Variants in AGBL1 observed in about 807,000 individuals in gnomAD.
AGBL1 encodes cytosolic carboxypeptidase 4.
In AGBL1, 130 loss-of-function variants were observed where a neutral mutation model predicts 118.9. That is an observed-to-expected ratio of 1.09 (90% CI 0.95 to 1.26). The LOEUF (loss-of-function observed/expected upper bound fraction) is 1.26, where lower values mean the gene tolerates loss of function less well. Ranked by LOEUF, AGBL1 falls within the 50% of genes most tolerant of loss-of-function variation. The probability of loss-of-function intolerance (pLI) is 0.00; values close to 1 mark genes in which losing one functional copy is unlikely to be tolerated. For missense variants in AGBL1, 1,584 were observed against 1,298.1 expected, an observed-to-expected ratio of 1.22 and a Z score of -3.38; for synonymous variants, 555 against 478.9, an observed-to-expected ratio of 1.16 and a Z score of -2.08.
At chr15:86,425,423 A>G (rs923984558) in intron 18 of AGBL1, among the ~76,000 whole-genome samples, 9 of 152,164 alleles carry the variant, frequency 5.9e-5, no homozygotes, top group African/African-American at 2.2e-4. Context: ...TAGCATTAGG[A>G]GAAATACCTA....
chr15:86,750,646 T>C (rs1273509431), intron 22 of AGBL1, among the ~76,000 whole-genome samples: 2 of 152,068 alleles, frequency 1.3e-5, no homozygotes, highest in African/African-American at 2.4e-5. Context: ...TTTTATTTTT[T>C]AATTTTTTTA....
At chr15:86,956,927 A>T (rs2859553) in intron 23 of AGBL1, among the ~76,000 whole-genome samples, 89,363 of 152,068 alleles carry the variant, frequency 0.59, 29,440 homozygotes, top group Non-Finnish European at 0.74. Context: ...TATGCACATA[A>T]GTGTGTATAC....
chr15:86,497,733 C>T (rs968733894), intron 18 of AGBL1, among the ~76,000 whole-genome samples: 11 of 151,886 alleles, frequency 7.2e-5, no homozygotes, highest in African/African-American at 2.7e-4. Flanking sequence ...AACAATCCTT[C>T]TGTGTCTGGA....
At chr15:86,324,318 C>T (rs2080150779) in intron 17 of AGBL1, among the ~76,000 whole-genome samples, 1 of 152,148 alleles carries the variant, frequency 6.6e-6, no homozygotes, top group African/African-American at 2.4e-5. Flanking sequence ...TGGAGGAAGT[C>T]AGATAAGACT....
intron 22 of AGBL1, among the ~76,000 whole-genome samples, chr15:86,732,224 AAAT>A (rs1373164835): frequency 2.6e-5 from 4 of 152,230 alleles, no homozygotes; most frequent in East Asian, 3.8e-4. Context: ...TGGTCTGAAA[AAAT>A]AATAATTTCA....
At chr15:86,239,145 C>T (rs1225361026) in intron 6 of AGBL1, among the ~76,000 whole-genome samples, 1 of 152,164 alleles carries the variant, frequency 6.6e-6, no homozygotes, top group Non-Finnish European at 1.5e-5. Context: ...AAGATAGATT[C>T]ATCTAGATTT....
At chr15:86,145,693 A>G (rs2077024411) in intron 3 of AGBL1, among the ~76,000 whole-genome samples, 1 of 152,146 alleles carries the variant, frequency 6.6e-6, no homozygotes, top group African/African-American at 2.4e-5. Flanking sequence ...AAAAATCAAT[A>G]CAATTCGTTT....
chr15:86,268,301 C>T (rs2079104874), intron 13 of AGBL1, among the ~76,000 whole-genome samples: 1 of 152,028 alleles, frequency 6.6e-6, no homozygotes, highest in South Asian at 2.1e-4. Flanking sequence ...ACGGGAAAGA[C>T]AGTCATGTCA....
At chr15:86,428,731 T>A (rs554173220) in intron 18 of AGBL1, among the ~76,000 whole-genome samples, 2 of 152,328 alleles carry the variant, frequency 1.3e-5, no homozygotes, top group Admixed American at 6.5e-5. Flanking sequence ...TATCTGAAGG[T>A]CATTAATTGT....
intron 22 of AGBL1, among the ~76,000 whole-genome samples, chr15:86,823,064 C>A: frequency 6.6e-6 from 1 of 152,054 alleles, no homozygotes; most frequent in Non-Finnish European, 1.5e-5. Flanking sequence ...GTAGCCTTGA[C>A]AATAGAAAAT....
intron 5 of AGBL1, among the ~76,000 whole-genome samples, chr15:86,176,519 G>T (rs948402736): frequency 6.6e-6 from 1 of 152,212 alleles, no homozygotes; most frequent in East Asian, 1.9e-4. Context: ...GCACTGCACT[G>T]CCATTCACTA....
intron 18 of AGBL1, among the ~76,000 whole-genome samples, chr15:86,412,015 G>C (rs1215998211): frequency 6.6e-6 from 1 of 152,180 alleles, no homozygotes; most frequent in African/African-American, 2.4e-5. Context: ...CTTTAAAGGA[G>C]ACATTTGGCC....
chr15:86,492,395 G>A (rs533109322), intron 18 of AGBL1, among the ~76,000 whole-genome samples: 1 of 151,964 alleles, frequency 6.6e-6, no homozygotes, highest in South Asian at 2.1e-4. Flanking sequence ...TTCAAGACCA[G>A]TGTGGCCAAC....
intron 22 of AGBL1, among the ~76,000 whole-genome samples, chr15:86,728,485 A>G (rs1157457739): frequency 6.6e-6 from 1 of 152,196 alleles, no homozygotes; most frequent in Non-Finnish European, 1.5e-5. Context: ...CCCCATAGGT[A>G]TCAGCAGAGC....
intron 17 of AGBL1, among the ~76,000 whole-genome samples, chr15:86,315,675 A>G (rs1443044867): frequency 4.7e-5 from 7 of 149,208 alleles, no homozygotes; most frequent in African/African-American, 1.7e-4. Context: ...CTGAGATCAC[A>G]CCACCGCACT....
chr15:86,789,801 G>T (rs1224487657), intron 22 of AGBL1, among the ~76,000 whole-genome samples: 1 of 152,142 alleles, frequency 6.6e-6, no homozygotes, highest in Admixed American at 6.5e-5. Context: ...GGGAGCATAA[G>T]ATATCTCACC....
At chr15:86,374,816 G>T (rs57060173) in intron 17 of AGBL1, among the ~76,000 whole-genome samples, 1 of 152,154 alleles carries the variant, frequency 6.6e-6, no homozygotes, top group Non-Finnish European at 1.5e-5. Flanking sequence ...CCTTTAGGAC[G>T]TTTTTTCCAT....
chr15:86,079,972 G>C lies in AGBL1; in HGVS notation c.-1G>C. The C allele has an allele frequency of 2.2e-5, 27 of 1,232,194 alleles. No individual in the cohort carries two copies. Among genetic ancestry groups the C allele is most frequent in the Non-Finnish European group, 2.5e-5 (25 of 988,002 alleles). 76.3% of individuals were successfully genotyped at this position (1,232,194 alleles called of 1,614,324 possible). On this transcript the variant is annotated 5_prime_UTR_variant, in exon 1 of 23. Coordinates refer to ENST00000614907, the MANE Select transcript of AGBL1 (RefSeq NM_001386094.1). Reference sequence around the variant, plus strand: ...GCGGTTCCCTAGGACCCGAGAAAAGGATGGCCGAACAAGAAGCTAGTGGGC... The same window carrying C: ...GCGGTTCCCTAGGACCCGAGAAAAGCATGGCCGAACAAGAAGCTAGTGGGC...
At chr15:86,429,563 C>T (rs1255662009) in intron 18 of AGBL1, among the ~76,000 whole-genome samples, 1 of 152,182 alleles carries the variant, frequency 6.6e-6, no homozygotes, top group Non-Finnish European at 1.5e-5. Context: ...TGCACAAATG[C>T]CTCCTGGGAC....
Sources: gnomAD v4.1 joint callset for allele counts (sites outside exome capture counted in the v4.1 genomes callset) on GRCh38, gnomAD v4.1.1 for gene constraint, MANE v1.5 for transcripts, NCBI Gene and HGNC (gene_info 2026-07-23, HGNC 2026-07-21) for gene names.